PDE12: variants seen among roughly 807,000 people sequenced by gnomAD.
The protein encoded by PDE12 is phosphodiesterase 12.
PDE12 carries 26 observed loss-of-function variants against 45.4 expected under a neutral mutation model. The ratio of observed to expected loss-of-function variants is 0.57; its 90% confidence interval spans 0.42 to 0.79. The LOEUF (loss-of-function observed/expected upper bound fraction) is 0.79. PDE12 is among the 30% of genes least tolerant of loss of function. The pLI is 0.00. For missense variants in PDE12, 668 were observed against 790.0 expected (o/e 0.85, Z 1.85); for synonymous variants, 283 against 323.9 (o/e 0.87, Z 1.36).
At chr3:57,590,089 C>CAATAAATAAATA in the PDE12 span, among the ~76,000 whole-genome samples, 402 of 135,198 alleles carry the variant, frequency 3.0e-3, 4 homozygotes, top group Non-Finnish European at 3.9e-3. Context: ...GACTCTGTCT[C>CAATAAATAAATA]AATAAATAAA....
the PDE12 span, among the ~76,000 whole-genome samples, chr3:57,580,898 C>T: frequency 6.6e-6 from 1 of 152,058 alleles, no homozygotes; most frequent in Non-Finnish European, 1.5e-5. Flanking sequence ...CAGGCATAAG[C>T]CACTGCACCC....
the PDE12 span, among the ~76,000 whole-genome samples, chr3:57,602,889 A>G: frequency 6.6e-6 from 1 of 152,160 alleles, no homozygotes; most frequent in Admixed American, 6.5e-5. Context: ...AGCATTTATA[A>G]AAGTTTCCCA....
At position 57,556,575 on chromosome 3, in the gene PDE12, G is replaced by T; in HGVS notation, c.196G>T (p.Asp66Tyr). ...ADGSHKNMQR[D>Y]QSEPLGRVLS... ...TGGTAGCCACAAGAACATGCAGCGCGACCAGAGCGAGCCGCTGGGTCGAGT... is the reference window on the plus strand; with the variant it reads ...TGGTAGCCACAAGAACATGCAGCGCTACCAGAGCGAGCCGCTGGGTCGAGT... Residue 66 changes from aspartate to tyrosine, a missense_variant, in exon 1 of 3, where the codon GAC becomes TAC. Physicochemically the swap from Asp to Tyr is radical, Grantham distance 160. Transcript: ENST00000311180. The surrounding 1 kb of genome is among the most constrained non-coding windows in gnomAD (Gnocchi z 5.0). 1.2e-6 allele frequency: 2 copies of T among 1,613,214 alleles called. No individual in the cohort carries two copies. The highest frequency in any genetic ancestry group is 2.2e-5 in the South Asian group (2 of 91,024).
chr3:57,589,137 C>T, the PDE12 span, among the ~76,000 whole-genome samples: 1 of 151,772 alleles, frequency 6.6e-6, no homozygotes, highest in South Asian at 2.1e-4. Flanking sequence ...TGTGATGGCA[C>T]ATGCCTGTAG....
At chr3:57,593,867 T>C in the PDE12 span, among the ~76,000 whole-genome samples, 1 of 151,990 alleles carries the variant, frequency 6.6e-6, no homozygotes, top group Non-Finnish European at 1.5e-5. Flanking sequence ...CTACAAAAAA[T>C]GTCAAAAATT....
Position 57,561,835 on chromosome 3 carries a change from G to T in PDE12, c.*1831G>T, listed in dbSNP as rs906754641. ...ACTTAGTAAGTTTGAAAATGAAGGG[G>T]TTTTATCTGCATTTGACATTGAACC... On this transcript the variant is annotated 3_prime_UTR_variant, in exon 3 of 3. Coordinates refer to ENST00000311180, the MANE Select transcript of PDE12 (RefSeq NM_177966.7). 2.0e-6 allele frequency: 2 copies of T among 985,094 alleles called. No homozygotes were observed. The highest frequency in any genetic ancestry group is 3.5e-5 in the African/African-American group (2 of 57,212). 61.0% of individuals were successfully genotyped at this position (985,094 alleles called of 1,614,324 possible). A position where few individuals can be genotyped will look rare whatever the true frequency, so the allele number is the denominator to read the frequency against.
the PDE12 span, chr3:57,597,322 G>A: frequency 1.4e-5 from 8 of 568,734 alleles, no homozygotes; most frequent in African/African-American, 1.4e-4. Context: ...GGAATAAGCC[G>A]GTAGAGGACC....
the PDE12 span, among the ~76,000 whole-genome samples, chr3:57,573,326 G>A: frequency 1.3e-5 from 2 of 152,116 alleles, no homozygotes; most frequent in African/African-American, 2.4e-5. Context: ...AAATGGCAAC[G>A]AATCTTATCT....
At chr3:57,594,203 G>A in the PDE12 span, among the ~76,000 whole-genome samples, 10 of 152,260 alleles carry the variant, frequency 6.6e-5, no homozygotes, top group Admixed American at 3.9e-4. Context: ...TGGCCTGGGA[G>A]ACAAGAGTGA....
At chr3:57,579,253 CAAAAAA>C in the PDE12 span, among the ~76,000 whole-genome samples, 1 of 47,600 alleles carries the variant, frequency 2.1e-5, no homozygotes, top group African/African-American at 8.7e-5. Context: ...AACTACATCT[CAAAAAA>C]AAAAAAAAAA....
In PDE12 at chr3:57,557,599, C is replaced by T; in HGVS notation, c.1220C>T (p.Ser407Phe). The T allele has an allele frequency of 6.2e-7, 1 of 1,614,102 alleles. No homozygotes were observed. The highest frequency in any genetic ancestry group is 1.1e-5 in the South Asian group (1 of 91,080). ...ATTTCATTCTACGAAGCCCTCGAGT[C>T]CGACCCACTTCACAAAGAACTGCTG... ...HDISFYEALE[S>F]DPLHKELLEK... The change falls in exon 1 of 3, where the codon TCC becomes TTC. Residue 407 changes from serine to phenylalanine, a missense_variant. By Grantham distance (155) the Ser-to-Phe change is radical (BLOSUM62 -2). Transcript: ENST00000311180.
downstream of PDE12, among the ~76,000 whole-genome samples, chr3:57,571,007 T>A (rs2069836692): frequency 6.6e-6 from 1 of 151,590 alleles, no homozygotes; most frequent in African/African-American, 2.4e-5. Context: ...TTGTTTTTAG[T>A]TTTTTAAGTA....
the PDE12 span, among the ~76,000 whole-genome samples, chr3:57,574,368 GA>G: frequency 7.9e-5 from 12 of 151,250 alleles, no homozygotes; most frequent in Non-Finnish European, 1.5e-4. Flanking sequence ...CTCCATCACT[GA>G]ATCACTGATC....
At chr3:57,629,945 T>C in the PDE12 span, among the ~76,000 whole-genome samples, 1 of 152,208 alleles carries the variant, frequency 6.6e-6, no homozygotes, top group Non-Finnish European at 1.5e-5. Flanking sequence ...CTGGTAAATA[T>C]TTAACAAGTG....
chr3:57,596,943 C>G, the PDE12 span: 2 of 940,478 alleles, frequency 2.1e-6, no homozygotes, highest in African/African-American at 1.7e-5. Context: ...CTTAAGAATT[C>G]CTTCCGACCC....
chr3:57,629,456 T>C, the PDE12 span, among the ~76,000 whole-genome samples: 17 of 151,834 alleles, frequency 1.1e-4, no homozygotes, highest in Non-Finnish European at 4.4e-5. Flanking sequence ...TCACAAGTAG[T>C]TTAATTTAAA....
At position 57,556,586 on chromosome 3, in the gene PDE12, G is replaced by C; in HGVS notation, c.207G>C (p.Glu69Asp). 1 of 1,613,146 alleles carries C rather than the reference G, an allele frequency of 6.2e-7. No individual in the cohort carries two copies. The highest frequency in any genetic ancestry group is 2.2e-5 in the East Asian group (1 of 44,892). ...AGAACATGCAGCGCGACCAGAGCGAGCCGCTGGGTCGAGTCCTCAGCCGCA... is the reference window on the plus strand; with the variant it reads ...AGAACATGCAGCGCGACCAGAGCGACCCGCTGGGTCGAGTCCTCAGCCGCA... ...SHKNMQRDQS[E>D]PLGRVLSRIA... The change falls in exon 1 of 3, where the codon GAG becomes GAC. Residue 69 changes from glutamate (E) to aspartate (D), a missense_variant. This residue lies in a region of PDE12 where 580 missense variants were observed against 662.9 expected (regional missense o/e 0.87). Coordinates refer to ENST00000311180, the MANE Select transcript of PDE12 (RefSeq NM_177966.7). This position sits in a 1 kb window ranked among gnomAD's most constrained non-coding sequence, Gnocchi z 5.0.
chr3:57,650,331 T>C, the PDE12 span, among the ~76,000 whole-genome samples: 1 of 150,128 alleles, frequency 6.7e-6, no homozygotes, highest in African/African-American at 2.4e-5. Context: ...GCAGCAGAGA[T>C]GCAGCATTGA....
chr3:57,634,448 AAAAG>A, the PDE12 span: 8 of 565,740 alleles, frequency 1.4e-5, no homozygotes, highest in African/African-American at 1.4e-4. Context: ...AAAAAAAAAA[AAAAG>A]GAGAGATCCT....
Sources: allele counts gnomAD v4.1 joint callset (sites outside exome capture counted in the v4.1 genomes callset), GRCh38; gene constraint gnomAD v4.1.1; regional missense constraint gnomAD v4.1.1; non-coding constraint Gnocchi (gnomAD v3.1); transcripts MANE v1.5; gene names NCBI Gene and HGNC (gene_info 2026-07-23, HGNC 2026-07-21).